MXD1: variants seen among roughly 807,000 people sequenced by gnomAD.
The protein encoded by MXD1 is MAX-binding protein.
A neutral mutation model predicts 25.7 loss-of-function variants in MXD1; 9 were observed. That is an observed-to-expected ratio of 0.35 (90% CI 0.21 to 0.61). The LOEUF is 0.61. Ranked by LOEUF, MXD1 falls within the 20% of genes least tolerant of loss-of-function variation. MXD1 has a pLI of 0.75. For missense variants in MXD1, 227 were observed against 292.4 expected (o/e 0.78, Z 1.63); for synonymous variants, 99 against 113.9 (o/e 0.87, Z 0.83).
In MXD1 at chr2:69,941,923, C is replaced by T. The variant is rs1379349301; in HGVS notation, c.*3639C>T. ...AGGTTTTTATACCATACTGTATTGG[C>T]GAGAATACCACTATCATTGTCCTTT... On this transcript the variant is annotated 3_prime_UTR_variant, in exon 6 of 6. Transcript: ENST00000264444. 1.3e-5 allele frequency: 2 copies of T among 151,984 alleles called. No homozygotes were observed. The highest frequency in any genetic ancestry group is 2.4e-5 in the African/African-American group (1 of 41,372). The allele number at this position is 151,984 out of a possible 1,614,324, so 9.4% of individuals were successfully genotyped here. A position where few individuals can be genotyped will look rare whatever the true frequency, so the allele number is the denominator to read the frequency against.
rs1676936472 is a variant in MXD1 at position 69,915,228 on chromosome 2, G to A, written c.-103G>A. On this transcript the variant is annotated 5_prime_UTR_variant, in exon 1 of 6. Coordinates refer to ENST00000264444, the MANE Select transcript of MXD1 (RefSeq NM_002357.4). This position sits in a 1 kb window ranked among gnomAD's most constrained non-coding sequence, Gnocchi z 5.8. ...GCCCTGCTCCGCGGGGTCCACAGCG[G>A]GCTCCACAGCGGGCTCCATAGCGGG... is the stretch of plus-strand genomic sequence containing the variant. 9.4e-7 allele frequency: 1 copy of A among 1,065,226 alleles called. No individual in the cohort carries two copies. Among genetic ancestry groups the A allele is most frequent in the Admixed American group, 4.2e-5 (1 of 23,574 alleles). 66.0% of individuals were successfully genotyped at this position (1,065,226 alleles called of 1,614,324 possible).
chr2:69,915,632 G>A lies in MXD1; in HGVS notation c.73+229G>A, dbSNP rs944821611. Among the ~76,000 whole-genome samples, 1 of 152,184 alleles carries A rather than the reference G, an allele frequency of 6.6e-6. No individual in the cohort carries two copies. Among genetic ancestry groups the A allele is most frequent in the African/African-American group, 2.4e-5 (1 of 41,454 alleles). ...GCCGCCCGCCGGGGTCCCGAACGCC[G>A]CCCCTTCCCCAGCCCTTCACGAGTG... On this transcript the variant is annotated intron_variant, in intron 1 of 5. Transcript: ENST00000264444. This position sits in a 1 kb window ranked among gnomAD's most constrained non-coding sequence, Gnocchi z 5.8.
rs114337610 is a variant in MXD1 at position 69,936,807 on chromosome 2, A to G, written c.319-428A>G. Among the ~76,000 whole-genome samples the G allele has an allele frequency of 3.6e-3, 543 of 152,336 alleles. 1 individual carries two copies. The highest frequency in any genetic ancestry group is 0.012 in the African/African-American group (507 of 41,574). On this transcript the variant is annotated intron_variant, in intron 4 of 5. Transcript: ENST00000264444. ...AAAAAAGTGCTTATGTAATTGGGAC[A>G]TGTACTTGAATAAACATAGTTTTAA...
rs1677069904 is a variant in MXD1, at chr2:69,921,860, C to CTAG, written c.203+99_203+101dup. The CTAG allele has an allele frequency of 9.5e-6, 11 of 1,156,044 alleles. No homozygotes were observed. In the East Asian group the frequency reaches 2.7e-4, roughly 29 times the overall value. 71.6% of individuals were successfully genotyped at this position (1,156,044 alleles called of 1,614,324 possible). A position where few individuals can be genotyped will look rare whatever the true frequency, so the allele number is the denominator to read the frequency against. On this transcript the variant is annotated intron_variant, in intron 3 of 5. Transcript: ENST00000264444. ...TGGTTGCTCTTTTTGACTCTTCCCA[C>CTAG]TAGTAGCACCTGATTTCAGAATTCA...
intron 3 of MXD1, 134 bp downstream of exon 3, chr2:69,921,899 A>G: frequency 1.3e-6 from 1 of 773,358 alleles, no homozygotes; most frequent in Non-Finnish European, 2.0e-6. Flanking sequence ...AGCGCCCTCT[A>G]AGCAGCATCG....
In MXD1 at chr2:69,938,391, C is replaced by T. The variant is rs1330125628; in HGVS notation, c.*107C>T. The stretch of plus-strand genomic sequence containing the variant: ...CCCTTGCACGTAAACTTCAGTGTCC[C>T]ACCTTGACCAAAATCAGCTTTGTAA... On this transcript the variant is annotated 3_prime_UTR_variant, in exon 6 of 6. Coordinates refer to ENST00000264444, the MANE Select transcript of MXD1 (RefSeq NM_002357.4). 66 of 1,171,510 alleles carry T rather than the reference C, an allele frequency of 5.6e-5. No homozygotes were observed. In the South Asian group the frequency reaches 8.5e-4, roughly 15 times the overall value. The allele number at this position is 1,171,510 out of a possible 1,614,324, so 72.6% of individuals were successfully genotyped here.
rs1182666987 is a variant in MXD1, at chr2:69,941,859, T to TAC, written c.*3576_*3577insCA. On this transcript the variant is annotated 3_prime_UTR_variant, in exon 6 of 6. Transcript: ENST00000264444. ...AGAACTTATTTTTGAAAAGTATCTATATATACACACACACACACACACACA... is the reference window on the plus strand; with the variant it reads ...AGAACTTATTTTTGAAAAGTATCTATACATATACACACACACACACACACACA... The TAC allele has an allele frequency of 7.4e-6, 1 of 135,182 alleles. No individual in the cohort carries two copies. Among genetic ancestry groups the TAC allele is most frequent in the East Asian group, 2.4e-4 (1 of 4,162 alleles). 8.4% of individuals were successfully genotyped at this position (135,182 alleles called of 1,614,324 possible).
intron 4 of MXD1, among the ~76,000 whole-genome samples, chr2:69,936,143 A>G (rs1010457716): frequency 6.6e-6 from 1 of 151,692 alleles, no homozygotes; most frequent in African/African-American, 2.4e-5. Context: ...GAGGACTTCT[A>G]CTTATTCTTC....
rs999903998 is a variant in MXD1 at position 69,942,027 on chromosome 2, C to G, written c.*3743C>G. 6.6e-6 allele frequency: 1 copy of G among 152,098 alleles called. No homozygotes were observed. 9.4% of individuals were successfully genotyped at this position (152,098 alleles called of 1,614,324 possible). A position where few individuals can be genotyped will look rare whatever the true frequency, so the allele number is the denominator to read the frequency against. On this transcript the variant is annotated 3_prime_UTR_variant, in exon 6 of 6. Coordinates refer to ENST00000264444, the MANE Select transcript of MXD1 (RefSeq NM_002357.4). The stretch of plus-strand genomic sequence containing the variant: ...TGAACCACACAGGAGACTTTAACAT[C>G]CTGGTCTTTTCTGTTTCTTCTTTGT...
rs1307479764 is a variant in MXD1 at position 69,942,615 on chromosome 2, C to T, written c.*4331C>T. ...TTCATTTTAGCTTTTACCTGACAAC[C>T]AAACTTGCCTTTACCCCATCCCTAG... On this transcript the variant is annotated 3_prime_UTR_variant, in exon 6 of 6. Transcript: ENST00000264444. 6.6e-6 allele frequency: 1 copy of T among 152,160 alleles called. No individual in the cohort carries two copies. The highest frequency in any genetic ancestry group is 2.4e-5 in the African/African-American group (1 of 41,432). The allele number at this position is 152,160 out of a possible 1,614,324, so 9.4% of individuals were successfully genotyped here. A position where few individuals can be genotyped will look rare whatever the true frequency, so the allele number is the denominator to read the frequency against.
rs1469300161 is a variant in MXD1, at chr2:69,915,652, C to T, written c.73+249C>T. 6.6e-6 allele frequency among the ~76,000 whole-genome samples: 1 copy of T among 152,230 alleles called. No homozygotes were observed. The highest frequency in any genetic ancestry group is 1.5e-5 in the Non-Finnish European group (1 of 68,034). On this transcript the variant is annotated intron_variant, in intron 1 of 5. Coordinates refer to ENST00000264444, the MANE Select transcript of MXD1 (RefSeq NM_002357.4). The surrounding 1 kb of genome is among the most constrained non-coding windows in gnomAD (Gnocchi z 5.8). ...ACGCCGCCCCTTCCCCAGCCCTTCA[C>T]GAGTGGGTGGCCGGGGCCCCCTCCG...
Position 69,937,255 on chromosome 2 carries a change from A to G in MXD1, c.339A>G (p.Arg113=), listed in dbSNP as rs768644314. The G allele has an allele frequency of 1.9e-6, 3 of 1,614,030 alleles. No individual in the cohort carries two copies. In the South Asian group the frequency reaches 3.3e-5, roughly 18 times the overall value. ...TGCAGAAACTTGAAGATTGTGACAGAAAAGCCGTTCACCAAATCGACCAGC... is the reference window on the plus strand; with the variant it reads ...TGCAGAAACTTGAAGATTGTGACAGGAAAGCCGTTCACCAAATCGACCAGC... ...LHIKKLEDCD[R]KAVHQIDQLQ... is the part of the protein sequence containing the mutation. The change falls in exon 5 of 6, where the codon AGA becomes AGG. Residue 113 remains arginine, a synonymous_variant. Coordinates refer to ENST00000264444, the MANE Select transcript of MXD1 (RefSeq NM_002357.4).
In MXD1 at chr2:69,927,704, T is replaced by G. The variant is rs912826070; in HGVS notation, c.203+5939T>G. Among the ~76,000 whole-genome samples the G allele has an allele frequency of 2.0e-5, 3 of 152,266 alleles. No homozygotes were observed. The South Asian group carries it at 6.2e-4, about 31-fold the overall frequency. On this transcript the variant is annotated intron_variant, in intron 3 of 5. Transcript: ENST00000264444. ...AGGCTCTGAAAAGGAGATATTAATG[T>G]GGTGTACTTATGTATTTCATACTTT...
chr2:69,915,839 C>T lies in MXD1; in HGVS notation c.74-282C>T, dbSNP rs1326442836. Among the ~76,000 whole-genome samples the T allele has an allele frequency of 6.6e-6, 1 of 152,250 alleles. No homozygotes were observed. Among genetic ancestry groups the T allele is most frequent in the Non-Finnish European group, 1.5e-5 (1 of 68,044 alleles). On this transcript the variant is annotated intron_variant, in intron 1 of 5. Coordinates refer to ENST00000264444, the MANE Select transcript of MXD1 (RefSeq NM_002357.4). The surrounding 1 kb of genome is among the most constrained non-coding windows in gnomAD (Gnocchi z 5.8). ...CTGGTTCCACTTAACCCGCACCAAC[C>T]TGCTGGATGTAGCCAGTGGGAAACC...
chr2:69,942,259 G>C lies in MXD1; in HGVS notation c.*3975G>C, dbSNP rs896682595. 6.6e-6 allele frequency: 1 copy of C among 152,146 alleles called. No individual in the cohort carries two copies. Among genetic ancestry groups the C allele is most frequent in the Non-Finnish European group, 1.5e-5 (1 of 68,028 alleles). 9.4% of individuals were successfully genotyped at this position (152,146 alleles called of 1,614,324 possible). A position where few individuals can be genotyped will look rare whatever the true frequency, so the allele number is the denominator to read the frequency against. ...ACCCAAAGACCCTTTTCGATGAGGT[G>C]GTTTCTCATTCTACATCCTCTGATC... On this transcript the variant is annotated 3_prime_UTR_variant, in exon 6 of 6. Transcript: ENST00000264444.
At chr2:69,931,112 A>G (rs1446640231) in intron 3 of MXD1, among the ~76,000 whole-genome samples, 2 of 152,220 alleles carry the variant, frequency 1.3e-5, no homozygotes, top group African/African-American at 4.8e-5. Flanking sequence ...CAGGCATGCA[A>G]TGCATAATAA....
chr2:69,936,539 T>C (rs1305278689), intron 4 of MXD1, among the ~76,000 whole-genome samples: 1 of 152,200 alleles, frequency 6.6e-6, no homozygotes, highest in East Asian at 1.9e-4. Context: ...TTAATTATGG[T>C]TAGAAGCCTG....
Position 69,938,489 on chromosome 2 carries a change from A to T in MXD1, c.*205A>T. ...CTAGCTTCTCTTTTTCTCGCCATAA[A>T]AATTTGTCTCTGAGAGACTATACAT... is the stretch of plus-strand genomic sequence containing the variant. On this transcript the variant is annotated 3_prime_UTR_variant, in exon 6 of 6. Coordinates refer to ENST00000264444, the MANE Select transcript of MXD1 (RefSeq NM_002357.4). 1 of 564,588 alleles carries T rather than the reference A, an allele frequency of 1.8e-6. No individual in the cohort carries two copies. Among genetic ancestry groups the T allele is most frequent in the East Asian group, 3.1e-5 (1 of 32,546 alleles). The allele number at this position is 564,588 out of a possible 1,614,324, so 35.0% of individuals were successfully genotyped here. A position where few individuals can be genotyped will look rare whatever the true frequency, so the allele number is the denominator to read the frequency against.
intron 1 of MXD1, 78 bp from the exon 2 acceptor site, chr2:69,916,042 GA>G: frequency 2.6e-6 from 2 of 774,724 alleles, no homozygotes; most frequent in Non-Finnish European, 4.4e-6. Context: ...ATAAATAAAG[GA>G]AAAAGGAAAT....
Sources: gnomAD v4.1 joint callset for allele counts (sites outside exome capture counted in the v4.1 genomes callset) on GRCh38, gnomAD v4.1.1 for gene constraint, Gnocchi (gnomAD v3.1) non-coding constraint, MANE v1.5 for transcripts, NCBI Gene and HGNC (gene_info 2026-07-23, HGNC 2026-07-21) for gene names.